ADGRF5: variants seen among roughly 807,000 people sequenced by gnomAD.
The protein encoded by ADGRF5 is adhesion G protein-coupled receptor F5.
ADGRF5 carries 75 observed loss-of-function variants against 132.3 expected under a neutral mutation model. That is an observed-to-expected ratio of 0.57 (90% confidence interval 0.47 to 0.69). The LOEUF (loss-of-function observed/expected upper bound fraction) is 0.69, where lower values mean the gene tolerates loss of function less well. Ranked by LOEUF, ADGRF5 falls within the 30% of genes least tolerant of loss-of-function variation. The pLI is 0.00. For missense variants in ADGRF5, 1,516 were observed against 1,630.6 expected, an observed-to-expected ratio of 0.93 and a Z score of 1.21; for synonymous variants, 629 against 597.6, an observed-to-expected ratio of 1.05 and a Z score of -0.77.
At position 46,860,769 on chromosome 6, in the gene ADGRF5, G is replaced by A. The variant is rs772443919; in HGVS notation, c.2325C>T (p.Asn775=). ...GAACTGTTGAGAGCAGATCAAGGAT[G>A]TTAATAATGGCTCCCAGACTCCCAG... The part of the protein sequence containing the change: ...SSPGSLGAII[N]ILDLLSTVPT... Residue 775 remains asparagine (N), a synonymous_variant, in exon 16 of 21, where the codon AAC becomes AAT. Transcript: ENST00000283296. 2 of 1,613,674 alleles carry A rather than the reference G, an allele frequency of 1.2e-6. No individual in the cohort carries two copies. Among genetic ancestry groups the A allele is most frequent in the Non-Finnish European group, 1.7e-6 (2 of 1,179,542 alleles).
At chr6:46,889,633 A>T (rs1443912984) in intron 3 of ADGRF5, among the ~76,000 whole-genome samples, 1 of 146,502 alleles carries the variant, frequency 6.8e-6, no homozygotes, top group Admixed American at 6.9e-5. Context: ...TGAGGAACAG[A>T]TCCACCTTGA....
chr6:46,898,580 GA>G (rs1384842462), intron 3 of ADGRF5, among the ~76,000 whole-genome samples: 1 of 152,050 alleles, frequency 6.6e-6, no homozygotes, highest in African/African-American at 2.4e-5. Flanking sequence ...GGGAGAGAGG[GA>G]AAACCAACAG....
intron 1 of ADGRF5, chr6:46,907,776 C>G (rs1775545617): frequency 6.6e-6 from 1 of 152,170 alleles, no homozygotes; most frequent in African/African-American, 2.4e-5. Context: ...TAGAAACTAA[C>G]TGTGTCCTGT....
At chr6:46,903,773 A>G (rs1364607171) in intron 2 of ADGRF5, among the ~76,000 whole-genome samples, 1 of 152,164 alleles carries the variant, frequency 6.6e-6, no homozygotes, top group East Asian at 1.9e-4. Context: ...ATCAAAAGTA[A>G]TTGCAAAAGC....
At chr6:46,917,801 G>A (rs1251108710) in intron 1 of ADGRF5, among the ~76,000 whole-genome samples, 1 of 152,116 alleles carries the variant, frequency 6.6e-6, no homozygotes, top group African/African-American at 2.4e-5. Flanking sequence ...TAATGTAAAT[G>A]AGGAATTGAT....
intron 1 of ADGRF5, among the ~76,000 whole-genome samples, chr6:46,910,839 C>G (rs113562180): frequency 4.1e-4 from 63 of 152,232 alleles, no homozygotes; most frequent in Middle Eastern, 3.4e-3. Context: ...TCTCTCTGAG[C>G]CTGTTTTCTT....
At chr6:46,952,699 C>T (rs866295289) in intron 1 of ADGRF5, among the ~76,000 whole-genome samples, 7 of 152,206 alleles carry the variant, frequency 4.6e-5, no homozygotes, top group Middle Eastern at 3.2e-3. Context: ...CATTCATTTG[C>T]TCATTCATTC....
chr6:46,856,620 C>G, intron 19 of ADGRF5, 98 bp downstream of exon 19: 1 of 804,492 alleles, frequency 1.2e-6, no homozygotes. Flanking sequence ...CCTAATTGAT[C>G]AAAATCCCAA....
At chr6:46,936,471 T>C (rs1031828125) in intron 1 of ADGRF5, among the ~76,000 whole-genome samples, 1 of 152,182 alleles carries the variant, frequency 6.6e-6, no homozygotes, top group African/African-American at 2.4e-5. Flanking sequence ...TTGTATACTA[T>C]AATAGTGGCA....
chr6:46,943,629 G>T (rs1416673574), intron 1 of ADGRF5, among the ~76,000 whole-genome samples: 1 of 152,160 alleles, frequency 6.6e-6, no homozygotes, highest in African/African-American at 2.4e-5. Context: ...CCATGAACTA[G>T]TTAGCTACTC....
At chr6:46,877,243 C>CTTTCTTTCTTTCTTTCTTTT (rs1562173948) in intron 10 of ADGRF5, among the ~76,000 whole-genome samples, 2 of 29,738 alleles carry the variant, frequency 6.7e-5, no homozygotes, top group African/African-American at 2.1e-4. Flanking sequence ...TTCTTTCTTT[C>CTTTCTTTCTTTCTTTCTTTT]TTTCTTTCTT....
At chr6:46,856,309 G>A (rs1223258911) in intron 19 of ADGRF5, among the ~76,000 whole-genome samples, 1 of 152,152 alleles carries the variant, frequency 6.6e-6, no homozygotes, top group Admixed American at 6.5e-5. Context: ...ATATATCCAA[G>A]GGCAATAGTT....
chr6:46,923,461 T>G (rs983982480), upstream of ADGRF5, among the ~76,000 whole-genome samples: 1 of 152,174 alleles, frequency 6.6e-6, no homozygotes, highest in African/African-American at 2.4e-5. Flanking sequence ...ACCAGAGTAT[T>G]TGGGCAAGAA....
chr6:46,882,945 C>A (rs1030464105), intron 6 of ADGRF5, among the ~76,000 whole-genome samples: 2 of 152,106 alleles, frequency 1.3e-5, no homozygotes, highest in South Asian at 4.1e-4. Context: ...TTATCTCAGC[C>A]CACCTGTAAT....
intron 3 of ADGRF5, 27 bp from the exon 4 acceptor site, chr6:46,888,532 G>A (rs1470445179): frequency 6.5e-7 from 1 of 1,536,650 alleles, no homozygotes; most frequent in Non-Finnish European, 9.0e-7. Flanking sequence ...TGAAGGCTGA[G>A]AGAACTTACC....
At chr6:46,877,751 T>C (rs1771977854) in intron 10 of ADGRF5, among the ~76,000 whole-genome samples, 1 of 151,774 alleles carries the variant, frequency 6.6e-6, no homozygotes, top group African/African-American at 2.4e-5. Flanking sequence ...AATATTGAGG[T>C]ATGCATAGAT....
At chr6:46,922,309 A>G (rs1257753550), upstream of ADGRF5, among the ~76,000 whole-genome samples, 1 of 152,150 alleles carries the variant, frequency 6.6e-6, no homozygotes, top group Admixed American at 6.5e-5. Context: ...GAAAGCAGAG[A>G]AAAAAAGAAT....
At chr6:46,873,818 C>T (rs889498623) in intron 10 of ADGRF5, among the ~76,000 whole-genome samples, 1 of 152,162 alleles carries the variant, frequency 6.6e-6, no homozygotes, top group African/African-American at 2.4e-5. Flanking sequence ...GTACATCTTC[C>T]AATGTGTCCT....
At chr6:46,900,652 G>A (rs764941194) in intron 2 of ADGRF5, among the ~76,000 whole-genome samples, 2 of 152,142 alleles carry the variant, frequency 1.3e-5, no homozygotes, top group Non-Finnish European at 2.9e-5. Flanking sequence ...GACTGCCTGG[G>A]TACAAGACTG....
Sources: gnomAD v4.1 joint callset for allele counts (sites outside exome capture counted in the v4.1 genomes callset) on GRCh38, gnomAD v4.1.1 for gene constraint, MANE v1.5 for transcripts, NCBI Gene and HGNC (gene_info 2026-07-23, HGNC 2026-07-21) for gene names.